The following PINK1 variants were observed in gnomAD, a reference collection of about 807,000 sequenced individuals.
The protein encoded by PINK1 is serine/threonine-protein kinase PINK1, mitochondrial.
In PINK1, 58 loss-of-function variants were observed where a neutral mutation model predicts 56.0. The observed-to-expected ratio is 1.04, with a 90% CI of 0.84 to 1.29. PINK1 has a LOEUF of 1.29. Ranked by LOEUF, PINK1 falls within the 50% of genes most tolerant of loss-of-function variation. The pLI, the probability that PINK1 is intolerant of heterozygous loss-of-function variation, is 0.00. For missense variants in PINK1, 745 were observed against 777.9 expected, an observed-to-expected ratio of 0.96 and a Z score of 0.50; for synonymous variants, 354 against 339.3, an observed-to-expected ratio of 1.04 and a Z score of -0.48.
At chr1:20,648,718 C>A in intron 6 of PINK1, 86 bp downstream of exon 6, 1 of 1,571,842 alleles carries the variant, frequency 6.4e-7, no homozygotes, top group South Asian at 1.1e-5. Flanking sequence ...TTGTGATAAC[C>A]CAACACCTCC....
chr1:20,642,591 C>A (rs571585248), intron 3 of PINK1: 1 of 152,366 alleles, frequency 6.6e-6, no homozygotes, highest in South Asian at 2.1e-4. Flanking sequence ...TTGGTTCCAA[C>A]CAATTTCAGC....
chr1:20,633,816 TG>T lies in PINK1; in HGVS notation c.272del (p.Gly91AlafsTer16). 6.3e-7 allele frequency: 1 copy of T among 1,577,804 alleles called. No individual in the cohort carries two copies. On this transcript the variant is annotated frameshift_variant, in exon 1 of 8. Coordinates refer to ENST00000321556, the MANE Select transcript of PINK1 (RefSeq NM_032409.3). LOFTEE classifies it high-confidence loss of function. ...RLQRQFVVRAWGCAGPCGRAV... is the reference protein window; with the variant it reads ...RLQRQFVVRAXGCAGPCGRAV... ...GCAGCGGCAGTTCGTGGTGCGGGCC[TG>T]GGGCTGCGCGGGCCCTTGCGGCCGG... is the stretch of plus-strand genomic sequence containing the variant.
chr1:20,648,365 C>A, intron 5 of PINK1, 140 bp from the exon 6 acceptor site: 3 of 1,265,742 alleles, frequency 2.4e-6, no homozygotes, highest in Non-Finnish European at 3.4e-6. Context: ...AGCTCTCAGG[C>A]CTTGCTGACC....
intron 5 of PINK1, among the ~76,000 whole-genome samples, chr1:20,646,898 G>A (rs539159092): frequency 6.8e-5 from 10 of 146,386 alleles, no homozygotes; most frequent in East Asian, 4.0e-4. Flanking sequence ...TTATTTATTT[G>A]AGACAGAATC....
chr1:20,635,144 T>C (rs1358756527), intron 1 of PINK1, among the ~76,000 whole-genome samples: 3 of 152,320 alleles, frequency 2.0e-5, no homozygotes, highest in East Asian at 1.9e-4. Flanking sequence ...ACACACACCT[T>C]CTTCGCACAC....
In PINK1 at chr1:20,633,836, C is replaced by G; in HGVS notation, c.288C>G (p.Cys96Trp). ...VVRAWGCAGP[C>W]GRAVFLAFGL... is the part of the protein sequence containing the mutation. The stretch of plus-strand genomic sequence containing the variant: ...GGGCCTGGGGCTGCGCGGGCCCTTG[C>G]GGCCGGGCAGTCTTTCTGGCCTTCG... Residue 96 changes from cysteine (C) to tryptophan (W), a missense_variant, in exon 1 of 8, where the codon TGC (cysteine) becomes TGG (tryptophan). By Grantham distance (215) the Cys-to-Trp change is radical. Coordinates refer to ENST00000321556, the MANE Select transcript of PINK1 (RefSeq NM_032409.3). 2 of 1,577,400 alleles carry G rather than the reference C, an allele frequency of 1.3e-6. No individual in the cohort carries two copies. The highest frequency in any genetic ancestry group is 1.7e-6 in the Non-Finnish European group (2 of 1,164,944).
chr1:20,637,361 GA>G (rs34096583), intron 1 of PINK1, among the ~76,000 whole-genome samples: 41,994 of 152,088 alleles, frequency 0.28, 5,958 homozygotes, highest in South Asian at 0.37. Context: ...GGCAGAGAGA[GA>G]AAGACAGTAC....
At position 20,650,459 on chromosome 1, in the gene PINK1, A is replaced by G; in HGVS notation, c.1514A>G (p.Asn505Ser). ...SKRPSARVAA[N>S]VLHLSLWGEH... ...AGACCATCTGCCCGAGTAGCCGCAA[A>G]TGTGCTTCATCTAAGCCTCTGGGGT... is the stretch of plus-strand genomic sequence containing the variant. The change falls in exon 8 of 8, where the codon AAT (asparagine) becomes AGT (serine). Residue 505 changes from asparagine to serine, a missense_variant. Physicochemically the swap from Asn to Ser is conservative, Grantham distance 46 (BLOSUM62 1). Coordinates refer to ENST00000321556, the MANE Select transcript of PINK1 (RefSeq NM_032409.3). The G allele has an allele frequency of 6.2e-7, 1 of 1,613,990 alleles. No homozygotes were observed. Among genetic ancestry groups the G allele is most frequent in the Non-Finnish European group, 8.5e-7 (1 of 1,179,912 alleles).
chr1:20,644,770 G>A, intron 4 of PINK1, 98 bp downstream of exon 4: 1 of 1,458,264 alleles, frequency 6.9e-7, no homozygotes. Context: ...GGGTTTTGGA[G>A]AACAGGGTCA....
intron 1 of PINK1, among the ~76,000 whole-genome samples, chr1:20,635,023 T>G (rs1448480138): frequency 6.6e-6 from 1 of 152,122 alleles, no homozygotes; most frequent in African/African-American, 2.4e-5. Context: ...GACCTTGTCT[T>G]TTGCCACAGC....
intron 1 of PINK1, among the ~76,000 whole-genome samples, chr1:20,637,415 G>C (rs1213687435): frequency 1.3e-5 from 2 of 152,138 alleles, no homozygotes; most frequent in Non-Finnish European, 2.9e-5. Context: ...TCACCCACTT[G>C]CCTGAGAGAC....
Position 20,633,605 on chromosome 1 carries a change from G to A in PINK1, c.57G>A (p.Leu19=). The A allele has an allele frequency of 7.8e-7, 1 of 1,278,090 alleles. No homozygotes were observed. The highest frequency in any genetic ancestry group is 9.8e-7 in the Non-Finnish European group (1 of 1,018,206). 79.2% of individuals were successfully genotyped at this position (1,278,090 alleles called of 1,614,324 possible). The change falls in exon 1 of 8, where the codon CTG becomes CTA. Residue 19 remains leucine (L), a synonymous_variant. Transcript: ENST00000321556. ...RGLQLGRALL[L]RFTGKPGRAY... ...TGCAGCTGGGTCGAGCGCTGCTGCT[G>A]CGCTTCACGGGCAAGCCCGGCCGGG...
Position 20,641,085 on chromosome 1 carries a change from G to A in PINK1, c.776+1093G>A, listed in dbSNP as rs1020223160. Among the ~76,000 whole-genome samples, 4 of 152,068 alleles carry A rather than the reference G, an allele frequency of 2.6e-5. No homozygotes were observed. Among genetic ancestry groups the A allele is most frequent in the Non-Finnish European group, 5.9e-5 (4 of 68,020 alleles). On this transcript the variant is annotated intron_variant, in intron 3 of 7. Coordinates refer to ENST00000321556, the MANE Select transcript of PINK1 (RefSeq NM_032409.3). The surrounding 1 kb of genome is among the most constrained non-coding windows in gnomAD (Gnocchi z 4.0). ...AAGAGGTGGGTCTGCTGCATTTTTG[G>A]TGATTTACTGGAGGGCTGGTTTATA...
In PINK1 at chr1:20,650,564, T is replaced by C; in HGVS notation, c.1619T>C (p.Leu540Ser). 1 of 1,614,250 alleles carries C rather than the reference T, an allele frequency of 6.2e-7. No homozygotes were observed. Among genetic ancestry groups the C allele is most frequent in the Non-Finnish European group, 8.5e-7 (1 of 1,180,044 alleles). ...CTCCAACAATCGGCCGCCACTTTGT[T>C]GGCCAACAGGCTCACAGAGAAGTGT... ...WLLQQSAATL[L>S]ANRLTEKCCV... Residue 540 changes from leucine (L) to serine (S), a missense_variant, in exon 8 of 8, where the codon TTG (leucine) becomes TCG (serine). Coordinates refer to ENST00000321556, the MANE Select transcript of PINK1 (RefSeq NM_032409.3).
Position 20,633,948 on chromosome 1 carries a change from G to A in PINK1, c.387+13G>A, listed in dbSNP as rs751273819. ...TCAGGAGATCCAGGTGAGCGGGGCC[G>A]GGTCCTAAGCCGAGCGGAGGACGGA... On this transcript the variant is annotated intron_variant, in intron 1 of 7. Transcript: ENST00000321556. 3 of 1,580,106 alleles carry A rather than the reference G, an allele frequency of 1.9e-6. No homozygotes were observed. The highest frequency in any genetic ancestry group is 2.6e-6 in the Non-Finnish European group (3 of 1,167,312).
At chr1:20,635,772 C>T (rs2320393) in intron 1 of PINK1, among the ~76,000 whole-genome samples, 41,778 of 151,548 alleles carry the variant, frequency 0.28, 5,899 homozygotes, top group South Asian at 0.37. Flanking sequence ...TGGCGTGAAC[C>T]CGGGAGGCAG....
rs1274588239 is a variant in PINK1, at chr1:20,633,919, C to T, written c.371C>T (p.Ala124Val). ...GCGGAGAGCCGGCGGGCGGTCTCGG[C>T]CTGTCAGGAGATCCAGGTGAGCGGG... Reference protein sequence around the residue: ...KQAESRRAVSACQEIQAIFTQ... With the variant: ...KQAESRRAVSVCQEIQAIFTQ... Residue 124 changes from alanine (A) to valine (V), a missense_variant, in exon 1 of 8, where the codon GCC (alanine) becomes GTC (valine). Physicochemically the swap from Ala to Val is moderately conservative, Grantham distance 64. Transcript: ENST00000321556. 4.4e-6 allele frequency: 7 copies of T among 1,584,772 alleles called. No individual in the cohort carries two copies. The highest frequency in any genetic ancestry group is 1.9e-4 in the Middle Eastern group (1 of 5,332).
At position 20,650,390 on chromosome 1, in the gene PINK1, T is replaced by C. The variant is rs371223801; in HGVS notation, c.1489-44T>C. ...AACAAAGCAGGCTTTGGGTTGAGAC[T>C]GTGTTAACAGATGTTCTAGCTACAG... is the stretch of plus-strand genomic sequence containing the variant. On this transcript the variant is annotated intron_variant, in intron 7 of 7. Transcript: ENST00000321556. 1.7e-5 allele frequency: 27 copies of C among 1,611,564 alleles called. No homozygotes were observed. The Admixed American group carries it at 2.8e-4, about 17-fold the overall frequency.
At position 20,650,966 on chromosome 1, in the gene PINK1, A is replaced by G. The variant is rs1557568851; in HGVS notation, c.*275A>G. 1.2e-5 allele frequency: 6 copies of G among 495,604 alleles called. No individual in the cohort carries two copies. The highest frequency in any genetic ancestry group is 2.2e-5 in the Non-Finnish European group (6 of 270,836). The allele number at this position is 495,604 out of a possible 1,614,324, so 30.7% of individuals were successfully genotyped here. The stretch of plus-strand genomic sequence containing the variant: ...AGGCCTGCATCCACAGAGAGGATCC[A>G]GGCCAAGGCACTGGCTGTCAGTGGC... On this transcript the variant is annotated 3_prime_UTR_variant, in exon 8 of 8. Coordinates refer to ENST00000321556, the MANE Select transcript of PINK1 (RefSeq NM_032409.3).
Sources: gnomAD v4.1 joint callset for allele counts (sites outside exome capture counted in the v4.1 genomes callset) on GRCh38, gnomAD v4.1.1 for gene constraint, Gnocchi (gnomAD v3.1) non-coding constraint, MANE v1.5 for transcripts, NCBI Gene and HGNC (gene_info 2026-07-23, HGNC 2026-07-21) for gene names.